Variants in MCPH1 observed in about 807,000 individuals in gnomAD.
MCPH1 encodes microcephalin 1, also known as microcephalin.
A neutral mutation model predicts 84.5 loss-of-function variants in MCPH1; 104 were observed. The ratio of observed to expected loss-of-function variants is 1.23; its 90% CI spans 1.05 to 1.45. MCPH1 has a LOEUF of 1.45. Ranked by LOEUF, MCPH1 falls within the 40% of genes most tolerant of loss-of-function variation. The pLI is 0.00. For missense variants in MCPH1, 1,498 were observed against 1,005.7 expected (o/e 1.49, Z -6.62); for synonymous variants, 514 against 366.8 (o/e 1.40, Z -4.58).
At chr8:6,540,574 CA>C in intron 12 of MCPH1, among the ~76,000 whole-genome samples, 1 of 152,184 alleles carries the variant, frequency 6.6e-6, no homozygotes, top group Admixed American at 6.5e-5. Context: ...GGAGCAAATA[CA>C]GTGCAACAGA....
At chr8:6,595,206 G>A (rs923813052) in intron 12 of MCPH1, among the ~76,000 whole-genome samples, 2 of 152,184 alleles carry the variant, frequency 1.3e-5, no homozygotes, top group African/African-American at 4.8e-5. Context: ...CTTGGGATAT[G>A]TCAGGGAGTG....
chr8:6,503,761 C>T (rs1812672225), intron 12 of MCPH1, among the ~76,000 whole-genome samples: 1 of 152,120 alleles, frequency 6.6e-6, no homozygotes, highest in African/African-American at 2.4e-5. Flanking sequence ...CTCTATGTTT[C>T]AGAGACAAAA....
intron 12 of MCPH1, among the ~76,000 whole-genome samples, chr8:6,511,765 T>G (rs149053208): frequency 6.6e-6 from 1 of 152,358 alleles, no homozygotes; most frequent in East Asian, 1.9e-4. Flanking sequence ...AAAAATTGAT[T>G]GCATTTCTAA....
At position 6,419,544 on chromosome 8, in the gene MCPH1, C is replaced by A. The variant is rs555510657; in HGVS notation, c.233+4661C>A. ...AGTAGCTGGGACTACAGGCGCCCAC[C>A]ACCACACCTGGCTAATTTTTTTTTT... On this transcript the variant is annotated intron_variant, in intron 3 of 13. Coordinates refer to ENST00000344683, the MANE Select transcript of MCPH1 (RefSeq NM_024596.5). Among the ~76,000 whole-genome samples the A allele has an allele frequency of 5.4e-4, 79 of 147,308 alleles. 1 individual carries two copies. The South Asian group carries it at 7.5e-3, about 14-fold the overall frequency.
intron 12 of MCPH1, among the ~76,000 whole-genome samples, chr8:6,578,775 G>T (rs556761831): frequency 6.6e-6 from 1 of 152,320 alleles, no homozygotes; most frequent in African/African-American, 2.4e-5. Flanking sequence ...GCAGATCAAT[G>T]TAAAGGCAGG....
At chr8:6,498,408 G>T (rs1811536034) in intron 11 of MCPH1, among the ~76,000 whole-genome samples, 2 of 152,196 alleles carry the variant, frequency 1.3e-5, no homozygotes, top group African/African-American at 4.8e-5. Context: ...TAATACAACT[G>T]AATTAGTGTT....
At chr8:6,469,501 T>G (rs1021324388) in intron 9 of MCPH1, among the ~76,000 whole-genome samples, 3 of 152,168 alleles carry the variant, frequency 2.0e-5, no homozygotes, top group Non-Finnish European at 4.4e-5. Context: ...AAAAATTTCC[T>G]CTATAGTCAA....
intron 9 of MCPH1, among the ~76,000 whole-genome samples, chr8:6,472,862 C>T (rs574469236): frequency 6.6e-6 from 1 of 152,240 alleles, no homozygotes; most frequent in African/African-American, 2.4e-5. Flanking sequence ...TACCTGATTC[C>T]AATAGGATCA....
intron 12 of MCPH1, among the ~76,000 whole-genome samples, chr8:6,530,514 A>C (rs1364838791): frequency 1.0e-5 from 1 of 99,806 alleles, no homozygotes; most frequent in African/African-American, 5.6e-5. Flanking sequence ...GTCTCAAAAA[A>C]AAAAAAAAAA....
chr8:6,567,790 A>T (rs1360174184), intron 12 of MCPH1, among the ~76,000 whole-genome samples: 2 of 152,130 alleles, frequency 1.3e-5, no homozygotes, highest in Non-Finnish European at 2.9e-5. Flanking sequence ...GGGGGATCTC[A>T]GAACTCCAGA....
intron 9 of MCPH1, among the ~76,000 whole-genome samples, chr8:6,471,126 C>G (rs928429578): frequency 1.2e-4 from 18 of 152,112 alleles, no homozygotes; most frequent in African/African-American, 4.3e-4. Flanking sequence ...GGACCTACCA[C>G]CAAGTGACCT....
rs541065870 is a variant in MCPH1, at chr8:6,515,522, G to A, written c.2214+15593G>A. 2.3e-3 allele frequency among the ~76,000 whole-genome samples: 351 copies of A among 152,080 alleles called. 1 individual carries two copies. The highest frequency in any genetic ancestry group is 3.7e-3 in the Non-Finnish European group (251 of 68,032). ...TTTCTGCTCTTAAACTGGCTCTGTG[G>A]GTTTAAACTTTGTCCAGAACACAGA... On this transcript the variant is annotated intron_variant, in intron 12 of 13. Transcript: ENST00000344683.
At chr8:6,501,520 T>A (rs896016164) in intron 12 of MCPH1, 1 of 151,890 alleles carries the variant, frequency 6.6e-6, no homozygotes, top group Non-Finnish European at 1.5e-5. Flanking sequence ...TAGTCCCGAG[T>A]ATAAAGCTGT....
chr8:6,617,900 A>AATTT (rs1554480977), intron 12 of MCPH1, among the ~76,000 whole-genome samples: 5 of 143,014 alleles, frequency 3.5e-5, no homozygotes, highest in Non-Finnish European at 7.6e-5. Context: ...CTATCTATCT[A>AATTT]ATCTATCTAT....
chr8:6,503,002 G>T, intron 12 of MCPH1: 2 of 1,412,104 alleles, frequency 1.4e-6, no homozygotes, highest in Non-Finnish European at 2.0e-6. Flanking sequence ...CACGCCCTCT[G>T]TGGTGGAAGA....
intron 12 of MCPH1, among the ~76,000 whole-genome samples, chr8:6,504,309 C>A (rs1812820451): frequency 8.7e-6 from 1 of 114,888 alleles, no homozygotes; most frequent in Non-Finnish European, 1.7e-5. Flanking sequence ...CAGAGTGAGA[C>A]TCCAGCTCAA....
intron 3 of MCPH1, among the ~76,000 whole-genome samples, chr8:6,417,108 C>G (rs955507701): frequency 1.2e-4 from 19 of 152,074 alleles, no homozygotes; most frequent in African/African-American, 3.4e-4. Flanking sequence ...TTAGATTTTA[C>G]AGAACTTGTT....
chr8:6,566,697 T>C (rs1392029807), intron 12 of MCPH1, among the ~76,000 whole-genome samples: 38 of 130,024 alleles, frequency 2.9e-4, no homozygotes, highest in Middle Eastern at 5.3e-3. Context: ...ATAGTGAACG[T>C]GGTGCGGTGA....
At chr8:6,641,530 G>C (rs1272865496) in intron 13 of MCPH1, among the ~76,000 whole-genome samples, 1 of 152,166 alleles carries the variant, frequency 6.6e-6, no homozygotes, top group Non-Finnish European at 1.5e-5. Flanking sequence ...GATTGCTTGA[G>C]CCCAGGAGTT....
Sources: gnomAD v4.1 joint callset for allele counts (sites outside exome capture counted in the v4.1 genomes callset) on GRCh38, gnomAD v4.1.1 for gene constraint, MANE v1.5 for transcripts, NCBI Gene and HGNC (gene_info 2026-07-23, HGNC 2026-07-21) for gene names.